Variants in MARCHF10 observed in about 807,000 individuals in gnomAD.
MARCHF10 encodes the protein membrane associated ring-CH-type finger 10.
Under a neutral mutation model 76.2 loss-of-function variants are expected in MARCHF10, and 64 were observed. The observed-to-expected ratio is 0.84, with a 90% CI of 0.69 to 1.03. The LOEUF (loss-of-function observed/expected upper bound fraction) is 1.03, where lower values mean the gene tolerates loss of function less well. Ranked by LOEUF, MARCHF10 falls within the 50% of genes least tolerant of loss-of-function variation. The pLI is 0.00. For synonymous variants in MARCHF10, 340 were observed against 357.5 expected (o/e 0.95, Z 0.55); for missense variants, 875 against 958.0 (o/e 0.91, Z 1.14).
At chr17:62,720,860 ATTTTTT>A (rs56688878) in intron 8 of MARCHF10, among the ~76,000 whole-genome samples, 1,527 of 88,024 alleles carry the variant, frequency 0.017, 35 homozygotes, top group African/African-American at 0.065. Context: ...GTAAGTTGTG[ATTTTTT>A]TTTTTTTTTT....
chr17:62,722,659 G>C, intron 7 of MARCHF10, 62 bp from the exon 8 acceptor site: 1 of 1,390,476 alleles, frequency 7.2e-7, no homozygotes, highest in East Asian at 2.4e-5. Context: ...TTAGCACTTT[G>C]GACAGGTGAT....
intron 3 of MARCHF10, among the ~76,000 whole-genome samples, chr17:62,774,238 G>A (rs1338320195): frequency 6.6e-6 from 1 of 152,136 alleles, no homozygotes; most frequent in Non-Finnish European, 1.5e-5. Flanking sequence ...GATGGGGGTG[G>A]CAGAGTGGGA....
chr17:62,716,313 T>G (rs2147645237), intron 8 of MARCHF10, among the ~76,000 whole-genome samples: 1 of 151,882 alleles, frequency 6.6e-6, no homozygotes, highest in East Asian at 1.9e-4. Context: ...TTAAACTGGC[T>G]GGGTGTGGTA....
At chr17:62,716,746 CAGTT>C (rs1257175085) in intron 8 of MARCHF10, among the ~76,000 whole-genome samples, 4 of 151,704 alleles carry the variant, frequency 2.6e-5, no homozygotes, top group African/African-American at 7.3e-5. Flanking sequence ...GTTCACTAGT[CAGTT>C]AGTTTGAGGT....
At chr17:62,760,701 A>G (rs1487773820) in intron 3 of MARCHF10, among the ~76,000 whole-genome samples, 1 of 152,256 alleles carries the variant, frequency 6.6e-6, no homozygotes. Flanking sequence ...GATGAAAACA[A>G]TATAAATATC....
At chr17:62,708,339 G>A (rs957436172) in intron 9 of MARCHF10, among the ~76,000 whole-genome samples, 2 of 151,280 alleles carry the variant, frequency 1.3e-5, no homozygotes, top group South Asian at 2.1e-4. Flanking sequence ...TCTGCCTCCC[G>A]GGTTCACGCC....
At chr17:62,753,272 A>G (rs1380209625) in intron 4 of MARCHF10, among the ~76,000 whole-genome samples, 1 of 151,908 alleles carries the variant, frequency 6.6e-6, no homozygotes, top group Non-Finnish European at 1.5e-5. Context: ...ACATCTGGCT[A>G]ATTTTTGTAT....
intron 8 of MARCHF10, chr17:62,714,289 T>A: frequency 1.5e-6 from 1 of 672,608 alleles, no homozygotes; most frequent in Non-Finnish European, 1.8e-6. Flanking sequence ...CACCGGACAC[T>A]GTGACTTTAG....
chr17:62,713,921 C>T (rs1182447801), intron 8 of MARCHF10, among the ~76,000 whole-genome samples: 2 of 152,214 alleles, frequency 1.3e-5, no homozygotes, highest in Non-Finnish European at 2.9e-5. Flanking sequence ...CTGTTTTCTC[C>T]ATTTTGCTAA....
intron 3 of MARCHF10, among the ~76,000 whole-genome samples, chr17:62,770,118 T>C (rs1193256998): frequency 6.6e-6 from 1 of 152,192 alleles, no homozygotes; most frequent in African/African-American, 2.4e-5. Context: ...GAACGTGTGG[T>C]ATTTGGGTTT....
At chr17:62,778,398 T>TTATAGC (rs905430991) in intron 3 of MARCHF10, among the ~76,000 whole-genome samples, 3 of 152,166 alleles carry the variant, frequency 2.0e-5, no homozygotes, top group African/African-American at 7.2e-5. Context: ...TCTATCTCTC[T>TTATAGC]TATAGCAGCC....
intron 3 of MARCHF10, among the ~76,000 whole-genome samples, chr17:62,771,886 A>G (rs2092455533): frequency 6.6e-6 from 1 of 152,124 alleles, no homozygotes. Flanking sequence ...CTGCTTGTCA[A>G]TATCTCTCTA....
chr17:62,794,234 TCAC>T (rs2092947952), intron 2 of MARCHF10, among the ~76,000 whole-genome samples: 1 of 149,416 alleles, frequency 6.7e-6, no homozygotes, highest in South Asian at 2.2e-4. Context: ...CACCACCACA[TCAC>T]CACCAAACCC....
rs1296113894 is a variant in MARCHF10 at position 62,736,723 on chromosome 17, C to T, written c.1145G>A (p.Arg382Lys). 25 of 1,614,040 alleles carry T rather than the reference C, an allele frequency of 1.5e-5. No individual in the cohort carries two copies. The highest frequency in any genetic ancestry group is 4.0e-5 in the African/African-American group (3 of 74,910). ...TCTGTCCTTCTCTGTAGCAGATTCCCTATCAGGCAGCCCGGGGTCTTGGGA... is the reference window on the plus strand; with the variant it reads ...TCTGTCCTTCTCTGTAGCAGATTCCTTATCAGGCAGCCCGGGGTCTTGGGA... ...RLSQDPGLPD[R>K]ESATEKDRGG... The change falls in exon 6 of 11, where the codon AGG becomes AAG. Residue 382 changes from arginine (R) to lysine (K), a missense_variant. Coordinates refer to ENST00000311269, the MANE Select transcript of MARCHF10 (RefSeq NM_152598.4).
chr17:62,747,040 T>TA (rs1216448330), intron 4 of MARCHF10: 1 of 1,177,376 alleles, frequency 8.5e-7, no homozygotes, highest in African/African-American at 1.5e-5. Flanking sequence ...TTAAATATTC[T>TA]AAAATTGCTT....
intron 4 of MARCHF10, among the ~76,000 whole-genome samples, chr17:62,751,956 G>A (rs1312004996): frequency 6.6e-6 from 1 of 151,658 alleles, no homozygotes; most frequent in East Asian, 1.9e-4. Flanking sequence ...GGAGGCAGAG[G>A]TTTCAGTGAG....
intron 3 of MARCHF10, 102 bp from the exon 4 acceptor site, chr17:62,760,108 A>G: frequency 1.0e-6 from 1 of 961,266 alleles, no homozygotes; most frequent in Non-Finnish European, 1.6e-6. Context: ...CTCTCCAGCA[A>G]TAATCCTAGA....
intron 6 of MARCHF10, among the ~76,000 whole-genome samples, chr17:62,734,573 C>T (rs1419787717): frequency 6.6e-6 from 1 of 152,108 alleles, no homozygotes; most frequent in Non-Finnish European, 1.5e-5. Context: ...ATAATATCAA[C>T]AGATACTCAC....
chr17:62,739,132 C>G (rs2091408138), intron 5 of MARCHF10, among the ~76,000 whole-genome samples: 1 of 152,092 alleles, frequency 6.6e-6, no homozygotes. Context: ...AACCCCATCT[C>G]TACTAAAAAT....
Sources: allele counts gnomAD v4.1 joint callset (sites outside exome capture counted in the v4.1 genomes callset), GRCh38; gene constraint gnomAD v4.1.1; transcripts MANE v1.5; gene names NCBI Gene and HGNC (gene_info 2026-07-23, HGNC 2026-07-21).